The following ARHGEF18 variants were observed in gnomAD, a reference collection of about 807,000 sequenced individuals.
ARHGEF18 encodes rho guanine nucleotide exchange factor 18.
Under a neutral mutation model 155.7 loss-of-function variants are expected in ARHGEF18, and 93 were observed. The observed-to-expected ratio is 0.60, with a 90% CI of 0.50 to 0.71. The LOEUF is 0.71. Ranked by LOEUF, ARHGEF18 falls within the 30% of genes least tolerant of loss-of-function variation. The probability of loss-of-function intolerance (pLI) is 0.00; values close to 1 mark genes in which losing one functional copy is unlikely to be tolerated. For missense variants in ARHGEF18, 1,593 were observed against 1,816.1 expected (o/e 0.88, Z 2.23); for synonymous variants, 742 against 753.1 (o/e 0.99, Z 0.24).
intron 10 of ARHGEF18, among the ~76,000 whole-genome samples, chr19:7,389,501 T>TCCTTCCTTCCTTCCTC (rs796255751): frequency 0.064 from 1,281 of 19,954 alleles, 25 homozygotes; most frequent in African/African-American, 0.13. Flanking sequence ...CTTCCTCCCT[T>TCCTTCCTTCCTTCCTC]CCTTCCTTCC....
intron 10 of ARHGEF18, among the ~76,000 whole-genome samples, chr19:7,385,578 C>T (rs1185896706): frequency 1.3e-5 from 2 of 151,266 alleles, no homozygotes; most frequent in Non-Finnish European, 2.9e-5. Flanking sequence ...CAGGTTCAAG[C>T]GATTCTCCTG....
chr19:7,428,272 A>G (rs1262650728), intron 10 of ARHGEF18, among the ~76,000 whole-genome samples: 3 of 152,192 alleles, frequency 2.0e-5, no homozygotes, highest in Non-Finnish European at 4.4e-5. Flanking sequence ...TTCTTGGGTA[A>G]GTAACCCTTG....
chr19:7,350,890 G>A (rs914423476), intron 1 of ARHGEF18, among the ~76,000 whole-genome samples: 2 of 151,062 alleles, frequency 1.3e-5, no homozygotes, highest in South Asian at 2.1e-4. Context: ...TGCAACCTCC[G>A]CCTCTCGGGT....
At chr19:7,357,098 G>A (rs1228918660) in intron 1 of ARHGEF18, among the ~76,000 whole-genome samples, 1 of 152,188 alleles carries the variant, frequency 6.6e-6, no homozygotes, top group Non-Finnish European at 1.5e-5. Context: ...GAGGTTGAGC[G>A]ACTTGCTCGA....
chr19:7,417,647 A>C (rs1973098903), intron 10 of ARHGEF18, among the ~76,000 whole-genome samples: 2 of 152,328 alleles, frequency 1.3e-5, no homozygotes, highest in Middle Eastern at 3.4e-3. Flanking sequence ...TAGTGAGCTG[A>C]GATCGCACCA....
At chr19:7,362,056 A>AAG (rs1568264632) in intron 1 of ARHGEF18, among the ~76,000 whole-genome samples, 3 of 37,366 alleles carry the variant, frequency 8.0e-5, no homozygotes, top group African/African-American at 4.0e-4. Flanking sequence ...GGAGAAGGAG[A>AAG]AGGAGAAGGA....
At chr19:7,461,080 C>T (rs999707740) in intron 20 of ARHGEF18, among the ~76,000 whole-genome samples, 2 of 151,412 alleles carry the variant, frequency 1.3e-5, no homozygotes, top group Non-Finnish European at 2.9e-5. Flanking sequence ...AGCCACCGCT[C>T]CCGGCCCTGT....
At chr19:7,474,756 T>A (rs551041243), downstream of ARHGEF18, among the ~76,000 whole-genome samples, 3 of 144,292 alleles carry the variant, frequency 2.1e-5, no homozygotes, top group Admixed American at 2.1e-4. Flanking sequence ...GGCATTGGAG[T>A]GTGTGTGTGT....
chr19:7,445,993 T>A (rs749383754), intron 14 of ARHGEF18, among the ~76,000 whole-genome samples: 3 of 152,184 alleles, frequency 2.0e-5, no homozygotes, highest in African/African-American at 4.8e-5. Flanking sequence ...TTGTACAGCA[T>A]CTGTGATGCA....
At chr19:7,453,810 C>T in intron 17 of ARHGEF18, 95 bp downstream of exon 17, 1 of 1,414,920 alleles carries the variant, frequency 7.1e-7, no homozygotes. Context: ...TTAGTGGCAC[C>T]ATCTTGTATC....
chr19:7,378,533 G>A (rs1214674668), intron 6 of ARHGEF18, 82 bp downstream of exon 6: 2 of 1,142,014 alleles, frequency 1.8e-6, no homozygotes, highest in Non-Finnish European at 2.2e-6. Flanking sequence ...GGCTGCCAGG[G>A]TGCAGTGTTG....
At chr19:7,376,575 C>A in intron 4 of ARHGEF18, 68 bp from the exon 5 acceptor site, 1 of 1,073,514 alleles carries the variant, frequency 9.3e-7, no homozygotes, top group Non-Finnish European at 1.2e-6. Context: ...TTGGGCCCCT[C>A]AATCCAGGGA....
intron 17 of ARHGEF18, among the ~76,000 whole-genome samples, 189 bp from the exon 18 acceptor site, chr19:7,456,138 G>T (rs531309698): frequency 4.1e-4 from 63 of 152,334 alleles, no homozygotes; most frequent in African/African-American, 1.5e-3. Context: ...CCGGCTGCTC[G>T]TTGGTGCTGA....
At chr19:7,460,406 T>C (rs1246690216) in intron 20 of ARHGEF18, among the ~76,000 whole-genome samples, 1 of 152,130 alleles carries the variant, frequency 6.6e-6, no homozygotes, top group Non-Finnish European at 1.5e-5. Flanking sequence ...TGAGATGTAA[T>C]TCACACACCA....
At chr19:7,358,184 TC>T (rs1969392663) in intron 1 of ARHGEF18, among the ~76,000 whole-genome samples, 1 of 112,648 alleles carries the variant, frequency 8.9e-6, no homozygotes, top group Non-Finnish European at 1.9e-5. Flanking sequence ...CATCCATCCA[TC>T]CAATCAGCCA....
intron 3 of ARHGEF18, among the ~76,000 whole-genome samples, chr19:7,375,362 G>GAAGGAAGGAAGAAAGAA (rs1970403543): frequency 7.9e-6 from 1 of 125,910 alleles, no homozygotes; most frequent in African/African-American, 3.3e-5. Flanking sequence ...GAAAAGGAAG[G>GAAGGAAGGAAGAAAGAA]AAGGAAGGAA....
chr19:7,446,964 C>G, intron 14 of ARHGEF18, 79 bp from the exon 15 acceptor site: 1 of 1,475,188 alleles, frequency 6.8e-7, no homozygotes, highest in African/African-American at 1.5e-5. Context: ...TTTATTTTAG[C>G]AGACTCAGAC....
intron 10 of ARHGEF18, among the ~76,000 whole-genome samples, chr19:7,388,271 A>T (rs1291149296): frequency 1.3e-5 from 2 of 151,922 alleles, no homozygotes; most frequent in Non-Finnish European, 2.9e-5. Flanking sequence ...TAGATTTTTT[A>T]AAAATAGAGA....
intron 2 of ARHGEF18, among the ~76,000 whole-genome samples, chr19:7,370,898 C>T (rs1004930619): frequency 1.3e-4 from 19 of 144,044 alleles, no homozygotes; most frequent in African/African-American, 4.7e-4. Flanking sequence ...TACCACACCC[C>T]GCTTTTTTTT....
Sources: allele counts gnomAD v4.1 joint callset (sites outside exome capture counted in the v4.1 genomes callset), GRCh38; gene constraint gnomAD v4.1.1; transcripts MANE v1.5; gene names NCBI Gene and HGNC (gene_info 2026-07-23, HGNC 2026-07-21).